Variants in SAMD5 observed in about 807,000 individuals in gnomAD.
SAMD5 encodes sterile alpha motif domain-containing protein 5.
A neutral mutation model predicts 11.3 loss-of-function variants in SAMD5; 13 were observed. The ratio of observed to expected loss-of-function variants is 1.15; its 90% CI spans 0.75 to 1.83. The LOEUF is 1.83. Among genes scored for constraint, SAMD5 ranks in the 40% most tolerant of loss-of-function variants. The pLI is 0.00. For missense variants in SAMD5, 255 were observed against 239.1 expected (o/e 1.07, Z -0.44); for synonymous variants, 129 against 111.3 (o/e 1.16, Z -1.00).
chr6:147,899,328 TG>T, the SAMD5 span, among the ~76,000 whole-genome samples: 5 of 152,130 alleles, frequency 3.3e-5, no homozygotes, highest in African/African-American at 1.2e-4. Flanking sequence ...TTGTGAGGCT[TG>T]GGGCTAAGGA....
the SAMD5 span, among the ~76,000 whole-genome samples, chr6:147,840,426 TG>T: frequency 6.6e-6 from 1 of 152,250 alleles, no homozygotes; most frequent in Non-Finnish European, 1.5e-5. Context: ...TGCATGTACA[TG>T]TGTTCTTTAG....
downstream of SAMD5, among the ~76,000 whole-genome samples, chr6:147,571,601 G>A (rs184699364): frequency 1.4e-3 from 206 of 151,806 alleles, 1 homozygote; most frequent in African/African-American, 4.8e-3. Flanking sequence ...ATGACAGGAT[G>A]TCTGTGGAAT....
chr6:147,810,175 CTTCA>C, the SAMD5 span, among the ~76,000 whole-genome samples: 1 of 152,102 alleles, frequency 6.6e-6, no homozygotes, highest in African/African-American at 2.4e-5. Context: ...ATTCCCTTTT[CTTCA>C]TTAGTTATAA....
chr6:147,896,654 G>T, the SAMD5 span, among the ~76,000 whole-genome samples: 1 of 148,172 alleles, frequency 6.7e-6, no homozygotes, highest in South Asian at 2.2e-4. Flanking sequence ...TAAAATGATG[G>T]TAGTAAAAAT....
chr6:147,595,632 T>C (rs1414164051), intron 1 of SAMD5, among the ~76,000 whole-genome samples: 1 of 150,286 alleles, frequency 6.7e-6, no homozygotes, highest in African/African-American at 2.5e-5. Context: ...GCTCAAAAGA[T>C]TCTCCTGCCT....
intron 1 of SAMD5, among the ~76,000 whole-genome samples, chr6:147,634,371 C>G (rs1790193948): frequency 6.6e-6 from 1 of 152,240 alleles, no homozygotes; most frequent in South Asian, 2.1e-4. Flanking sequence ...AACCAGATCT[C>G]ATGAGAACTC....
At chr6:147,676,444 C>T (rs1790864422) in intron 1 of SAMD5, among the ~76,000 whole-genome samples, 1 of 152,166 alleles carries the variant, frequency 6.6e-6, no homozygotes, top group Non-Finnish European at 1.5e-5. Flanking sequence ...ACTCTCAGCA[C>T]TCATTATTTT....
At chr6:147,759,884 A>G in the SAMD5 span, among the ~76,000 whole-genome samples, 2 of 152,218 alleles carry the variant, frequency 1.3e-5, no homozygotes, top group East Asian at 3.8e-4. Flanking sequence ...ACAATATTAT[A>G]CAGAATATGT....
At chr6:147,630,757 T>A (rs1790137325) in intron 1 of SAMD5, among the ~76,000 whole-genome samples, 3 of 152,212 alleles carry the variant, frequency 2.0e-5, no homozygotes, top group Admixed American at 2.0e-4. Flanking sequence ...TGAAATTTGA[T>A]GCCAAAACCC....
chr6:147,839,502 AT>A, the SAMD5 span, among the ~76,000 whole-genome samples: 2 of 152,194 alleles, frequency 1.3e-5, no homozygotes, highest in African/African-American at 4.8e-5. Context: ...TAATCCCAGC[AT>A]TTTGGGGGGG....
At chr6:147,941,088 A>C in the SAMD5 span, among the ~76,000 whole-genome samples, 1 of 152,152 alleles carries the variant, frequency 6.6e-6, no homozygotes, top group Admixed American at 6.5e-5. Flanking sequence ...CATCTTAAAG[A>C]CTTTTTTCTT....
the SAMD5 span, among the ~76,000 whole-genome samples, chr6:147,834,511 G>A: frequency 2.6e-5 from 4 of 152,332 alleles, no homozygotes; most frequent in African/African-American, 9.6e-5. Flanking sequence ...GAGCCTGAGT[G>A]ATTAGGCGAG....
At chr6:147,901,392 T>G in the SAMD5 span, among the ~76,000 whole-genome samples, 647 of 152,318 alleles carry the variant, frequency 4.2e-3, 8 homozygotes, top group Non-Finnish European at 7.4e-3. Flanking sequence ...TCAGGTGTCA[T>G]TCTTGAAGAC....
At chr6:147,739,427 T>C (rs1791848112), downstream of SAMD5, among the ~76,000 whole-genome samples, 1 of 152,088 alleles carries the variant, frequency 6.6e-6, no homozygotes, top group Admixed American at 6.6e-5. Flanking sequence ...AGACTTCATT[T>C]CTACCAAAAA....
the SAMD5 span, among the ~76,000 whole-genome samples, chr6:147,802,046 A>G: frequency 6.6e-6 from 1 of 152,182 alleles, no homozygotes; most frequent in African/African-American, 2.4e-5. Context: ...CATTACAGGA[A>G]AAAACTGATA....
the SAMD5 span, among the ~76,000 whole-genome samples, chr6:147,873,481 T>A: frequency 6.6e-6 from 1 of 152,088 alleles, no homozygotes; most frequent in East Asian, 1.9e-4. Flanking sequence ...AAAAAATGCA[T>A]GTTGCTATTA....
chr6:147,883,661 G>T, the SAMD5 span, among the ~76,000 whole-genome samples: 6 of 152,214 alleles, frequency 3.9e-5, no homozygotes, highest in Middle Eastern at 3.4e-3. Flanking sequence ...TCTTCTCTTT[G>T]CACCATTAAA....
At position 147,564,311 on chromosome 6, in the gene SAMD5, A is replaced by G. The variant is rs1470250794; in HGVS notation, c.460-83A>G. 4 of 754,136 alleles carry G rather than the reference A, an allele frequency of 5.3e-6. No individual in the cohort carries two copies. In the African/African-American group the frequency reaches 6.9e-5, roughly 13 times the overall value. 46.7% of individuals were successfully genotyped at this position (754,136 alleles called of 1,614,324 possible). A position where few individuals can be genotyped will look rare whatever the true frequency, so the allele number is the denominator to read the frequency against. ...CAGAAAGGGACAAGAATGACTTAAA[A>G]ATAGGAGCAGAAATCCATGATGGAC... On this transcript the variant is annotated intron_variant, in intron 1 of 1. Transcript: ENST00000367474.
chr6:147,597,301 A>T (rs1789546257), intron 1 of SAMD5, among the ~76,000 whole-genome samples: 2 of 152,194 alleles, frequency 1.3e-5, no homozygotes, highest in Non-Finnish European at 2.9e-5. Context: ...CTGTTGAGAT[A>T]CTGTCCCTTG....
Sources: allele counts gnomAD v4.1 joint callset (sites outside exome capture counted in the v4.1 genomes callset), GRCh38; gene constraint gnomAD v4.1.1; transcripts MANE v1.5; gene names NCBI Gene and HGNC (gene_info 2026-07-23, HGNC 2026-07-21).